Variants in CYTH4 observed in about 807,000 individuals in gnomAD.
The protein encoded by CYTH4 is cytohesin 4.
CYTH4 carries 22 observed loss-of-function variants against 57.5 expected under a neutral mutation model. The observed-to-expected ratio is 0.38, with a 90% CI of 0.27 to 0.55. The LOEUF is 0.55. CYTH4 is among the 20% of genes least tolerant of loss of function. The pLI, the probability that CYTH4 is intolerant of heterozygous loss-of-function variation, is 0.74. For missense variants in CYTH4, 420 were observed against 535.6 expected (o/e 0.78, Z 2.13); for synonymous variants, 186 against 206.5 (o/e 0.90, Z 0.85).
Position 37,309,199 on chromosome 22 carries a change from T to C in CYTH4, c.697-13T>C. On this transcript the variant is annotated splice_polypyrimidine_tract_variant and intron_variant, in intron 8 of 12. Transcript: ENST00000248901. The stretch of plus-strand genomic sequence containing the variant: ...CTCACAGCCAGGTCTTTCTCTCCCT[T>C]GTCTTGGGGCAGAACCTCTTCGACA... 6.2e-7 allele frequency: 1 copy of C among 1,613,406 alleles called. No individual in the cohort carries two copies. The highest frequency in any genetic ancestry group is 2.2e-5 in the East Asian group (1 of 44,864).
chr22:37,297,223 G>C (rs1929007559), intron 4 of CYTH4, among the ~76,000 whole-genome samples: 1 of 152,150 alleles, frequency 6.6e-6, no homozygotes, highest in South Asian at 2.1e-4. Context: ...GGGAACAAAA[G>C]AAATGGCTGA....
intron 4 of CYTH4, chr22:37,296,456 A>C (rs1601702130): frequency 4.8e-6 from 1 of 208,448 alleles, no homozygotes; most frequent in East Asian, 1.5e-4. Flanking sequence ...CTGCGGTCCC[A>C]CCACCCACCC....
Position 37,308,401 on chromosome 22 carries a change from CATGT to C in CYTH4, c.697-808_697-805del, listed in dbSNP as rs538927724. 1.1e-4 allele frequency among the ~76,000 whole-genome samples: 17 copies of C among 151,088 alleles called. No homozygotes were observed. The South Asian group carries it at 3.6e-3, about 32-fold the overall frequency. The stretch of plus-strand genomic sequence containing the variant: ...TGCATGTATATTGTCAGTGTGCATG[CATGT>C]ATAAGAGTGCATGTATATGCACGCA... On this transcript the variant is annotated intron_variant, in intron 8 of 12. Coordinates refer to ENST00000248901, the MANE Select transcript of CYTH4 (RefSeq NM_013385.5).
chr22:37,286,891 A>T (rs1356644518), intron 1 of CYTH4, among the ~76,000 whole-genome samples: 6 of 152,166 alleles, frequency 3.9e-5, no homozygotes, highest in Non-Finnish European at 4.4e-5. Context: ...GCAGGGAGGC[A>T]TCCGAAAGCC....
intron 1 of CYTH4, among the ~76,000 whole-genome samples, chr22:37,286,321 T>C (rs2145853283): frequency 6.6e-6 from 1 of 152,292 alleles, no homozygotes; most frequent in South Asian, 2.1e-4. Context: ...GTGTCACCTT[T>C]GGCAGGACAC....
At chr22:37,296,359 G>GGAGGCCC (rs1928968447) in intron 4 of CYTH4, 1 of 435,876 alleles carries the variant, frequency 2.3e-6, no homozygotes, top group Non-Finnish European at 4.2e-6. Flanking sequence ...CCTTCTCCAT[G>GGAGGCCC]AATGTGGCTT....
intron 1 of CYTH4, chr22:37,292,321 T>G: frequency 8.0e-6 from 3 of 374,634 alleles, no homozygotes; most frequent in East Asian, 4.5e-5. Flanking sequence ...AGCAAAAGAG[T>G]AGAACAACTG....
At chr22:37,307,121 A>T (rs1423121781) in intron 8 of CYTH4, among the ~76,000 whole-genome samples, 1 of 152,112 alleles carries the variant, frequency 6.6e-6, no homozygotes, top group Non-Finnish European at 1.5e-5. Context: ...CTGCACATCC[A>T]CCCAGCCAGG....
At chr22:37,304,026 C>G (rs1171738964) in intron 8 of CYTH4, 2 of 395,984 alleles carry the variant, frequency 5.1e-6, no homozygotes, top group Non-Finnish European at 1.0e-5. Context: ...CACAAGGCTG[C>G]ATGATTCATG....
intron 4 of CYTH4, 76 bp from the exon 5 acceptor site, chr22:37,297,488 A>C (rs1929017954): frequency 2.3e-6 from 3 of 1,329,952 alleles, no homozygotes; most frequent in South Asian, 1.2e-5. Flanking sequence ...TGGCCATGGA[A>C]GCTCCTTCCT....
chr22:37,282,832 G>A (rs1462953601), intron 1 of CYTH4, among the ~76,000 whole-genome samples: 3 of 152,204 alleles, frequency 2.0e-5, no homozygotes, highest in East Asian at 1.9e-4. Flanking sequence ...TGAGGAGACC[G>A]GCAGTGACTC....
intron 1 of CYTH4, among the ~76,000 whole-genome samples, chr22:37,288,683 C>T (rs1279249034): frequency 6.6e-6 from 1 of 152,172 alleles, no homozygotes; most frequent in Non-Finnish European, 1.5e-5. Flanking sequence ...TGTGGTCCAC[C>T]TGCTGGAGAC....
At position 37,311,380 on chromosome 22, in the gene CYTH4, C is replaced by T; in HGVS notation, c.886-76C>T. On this transcript the variant is annotated intron_variant, in intron 10 of 12. Coordinates refer to ENST00000248901, the MANE Select transcript of CYTH4 (RefSeq NM_013385.5). This position sits in a 1 kb window ranked among gnomAD's most constrained non-coding sequence, Gnocchi z 4.4. ...ACGCTCCTCTTTGAGTTTGGGGAAC[C>T]CCACACGTTCACACCCTGCCTTGGG... The T allele has an allele frequency of 7.6e-7, 1 of 1,314,976 alleles. No homozygotes were observed. The highest frequency in any genetic ancestry group is 1.2e-5 in the South Asian group (1 of 84,280). 81.5% of individuals were successfully genotyped at this position (1,314,976 alleles called of 1,614,324 possible).
intron 1 of CYTH4, among the ~76,000 whole-genome samples, chr22:37,287,195 A>G (rs997189491): frequency 3.3e-5 from 5 of 152,098 alleles, no homozygotes; most frequent in Admixed American, 6.5e-5. Context: ...GGAACAGAGG[A>G]TGTGTGAATG....
Position 37,311,746 on chromosome 22 carries a change from C to A in CYTH4, c.957+219C>A. The A allele has an allele frequency of 1.5e-6, 1 of 651,648 alleles. No homozygotes were observed. Among genetic ancestry groups the A allele is most frequent in the Non-Finnish European group, 2.6e-6 (1 of 381,664 alleles). The allele number at this position is 651,648 out of a possible 1,614,324, so 40.4% of individuals were successfully genotyped here. On this transcript the variant is annotated intron_variant, in intron 11 of 12. Transcript: ENST00000248901. This position sits in a 1 kb window ranked among gnomAD's most constrained non-coding sequence, Gnocchi z 4.4. ...GACGTGGTTGTCCCCTGTTGTCCCA[C>A]ACAGCCCGACTGGCTGGATGGCCCC...
At chr22:37,310,885 C>G (rs1437483232) in intron 9 of CYTH4, 103 bp from the exon 10 acceptor site, 2 of 1,263,590 alleles carry the variant, frequency 1.6e-6, no homozygotes, top group Admixed American at 1.8e-5. Context: ...GGGCACTCAG[C>G]TGGGGGTCCA....
Position 37,286,161 on chromosome 22 carries a change from T to C in CYTH4, c.19+3573T>C, listed in dbSNP as rs536827622. Among the ~76,000 whole-genome samples, 11 of 152,272 alleles carry C rather than the reference T, an allele frequency of 7.2e-5. No homozygotes were observed. In the East Asian group the frequency reaches 2.1e-3, roughly 29 times the overall value. ...CATCTTGCCTTTATTCTGAAACGTGTAACCCCGTCAGAAACCCAGATTTAG... is the reference window on the plus strand; with the variant it reads ...CATCTTGCCTTTATTCTGAAACGTGCAACCCCGTCAGAAACCCAGATTTAG... On this transcript the variant is annotated intron_variant, in intron 1 of 12. Coordinates refer to ENST00000248901, the MANE Select transcript of CYTH4 (RefSeq NM_013385.5).
rs927394190 is a variant in CYTH4 at position 37,315,157 on chromosome 22, TAGGGGTC to T, written c.*1656_*1662del. ...AGGGGTGGTGGAAGGAGCACTGGGC[TAGGGGTC>T]AGGGGTCAGAGATTCTGTCCTGCTC... On this transcript the variant is annotated 3_prime_UTR_variant, in exon 13 of 13. Coordinates refer to ENST00000248901, the MANE Select transcript of CYTH4 (RefSeq NM_013385.5). The T allele has an allele frequency of 6.6e-6, 1 of 152,354 alleles. No individual in the cohort carries two copies. Among genetic ancestry groups the T allele is most frequent in the Non-Finnish European group, 1.5e-5 (1 of 68,146 alleles). 9.4% of individuals were successfully genotyped at this position (152,354 alleles called of 1,614,324 possible).
intron 6 of CYTH4, among the ~76,000 whole-genome samples, chr22:37,299,767 C>A (rs1456171029): frequency 6.6e-6 from 1 of 152,196 alleles, no homozygotes; most frequent in African/African-American, 2.4e-5. Flanking sequence ...CCAGACTATA[C>A]AGTTCAAATC....
Sources: allele counts gnomAD v4.1 joint callset (sites outside exome capture counted in the v4.1 genomes callset), GRCh38; gene constraint gnomAD v4.1.1; non-coding constraint Gnocchi (gnomAD v3.1); transcripts MANE v1.5; gene names NCBI Gene and HGNC (gene_info 2026-07-23, HGNC 2026-07-21).